TRPM1: variants seen among roughly 807,000 people sequenced by gnomAD.
TRPM1 encodes transient receptor potential cation channel subfamily M member 1.
Under a neutral mutation model 149.4 loss-of-function variants are expected in TRPM1, and 113 were observed. That is an observed-to-expected ratio of 0.76 (90% CI 0.65 to 0.88). The LOEUF (loss-of-function observed/expected upper bound fraction) is 0.88. Ranked by LOEUF, TRPM1 falls within the 40% of genes least tolerant of loss-of-function variation. The pLI is 0.00. For synonymous variants in TRPM1, 741 were observed against 759.5 expected, an observed-to-expected ratio of 0.98 and a Z score of 0.40; for missense variants, 1,976 against 2,038.7, an observed-to-expected ratio of 0.97 and a Z score of 0.59.
At chr15:31,138,503 C>G (rs2036119259) in intron 1 of TRPM1, among the ~76,000 whole-genome samples, 2 of 152,156 alleles carry the variant, frequency 1.3e-5, no homozygotes, top group South Asian at 4.1e-4. Flanking sequence ...CTTCTTTGCC[C>G]TATTTATTCA....
chr15:31,088,803 G>GGGA (rs1555427567), intron 1 of TRPM1, among the ~76,000 whole-genome samples: 2 of 129,126 alleles, frequency 1.5e-5, no homozygotes, highest in Non-Finnish European at 3.0e-5. Flanking sequence ...TCTTTCTGCT[G>GGGA]GGGGGATGCG....
chr15:31,104,122 T>C (rs1446861681), upstream of TRPM1, among the ~76,000 whole-genome samples: 2 of 150,486 alleles, frequency 1.3e-5, no homozygotes, highest in South Asian at 2.1e-4. Flanking sequence ...CCGTGAAGGG[T>C]GGATACTGAC....
chr15:31,035,518 G>A (rs770839879), intron 21 of TRPM1, 28 bp downstream of exon 21: 11 of 1,613,944 alleles, frequency 6.8e-6, no homozygotes, highest in Non-Finnish European at 7.6e-6. Flanking sequence ...GCGGTTAGTG[G>A]GCTGGGGGAG....
At chr15:31,080,705 C>A (rs920736378) in intron 2 of TRPM1, among the ~76,000 whole-genome samples, 1 of 145,178 alleles carries the variant, frequency 6.9e-6, no homozygotes, top group African/African-American at 2.6e-5. Flanking sequence ...CCTCTCAGCC[C>A]GGTCCTCCAG....
intron 7 of TRPM1, chr15:31,065,118 C>A (rs1342928004): frequency 3.7e-6 from 2 of 534,626 alleles, no homozygotes; most frequent in Admixed American, 3.9e-5. Context: ...CAAAGGGAAG[C>A]CCACAAGTCA....
intron 1 of TRPM1, among the ~76,000 whole-genome samples, chr15:31,126,008 C>G (rs1393186346): frequency 6.8e-6 from 1 of 147,156 alleles, no homozygotes; most frequent in Non-Finnish European, 1.5e-5. Flanking sequence ...GGCGGGCACC[C>G]GTAATCCCAG....
In TRPM1 at chr15:31,040,038, A is replaced by G; in HGVS notation, c.2316+80T>C. The G allele has an allele frequency of 7.8e-7, 1 of 1,274,142 alleles. No individual in the cohort carries two copies. Among genetic ancestry groups the G allele is most frequent in the Non-Finnish European group, 1.1e-6 (1 of 875,768 alleles). The allele number at this position is 1,274,142 out of a possible 1,614,324, so 78.9% of individuals were successfully genotyped here. A position where few individuals can be genotyped will look rare whatever the true frequency, so the allele number is the denominator to read the frequency against. On this transcript the variant is annotated intron_variant, in intron 18 of 27. Coordinates refer to ENST00000256552, the MANE Select transcript of TRPM1 (RefSeq NM_001252024.2). This position sits in a 1 kb window ranked among gnomAD's most constrained non-coding sequence, Gnocchi z 4.2. ...CTAGAAGGAATAAATGAAATAAGCC[A>G]CAGAAAGTGCTCAGTTCAGCCTGGC...
chr15:31,014,924 C>A lies in TRPM1; in HGVS notation c.3629+11215G>T, dbSNP rs144090535. ...AAGCAAAGAGCAACGATTGACTTCA[C>A]CCTCTTGAATTTTGATGCAGTGGGT... On this transcript the variant is annotated intron_variant, in intron 27 of 27. Transcript: ENST00000256552. 1.7e-3 allele frequency among the ~76,000 whole-genome samples: 263 copies of A among 152,084 alleles called. 2 individuals carry two copies. Among genetic ancestry groups the A allele is most frequent in the African/African-American group, 6.1e-3 (253 of 41,448 alleles).
chr15:31,088,619 A>C (rs998292088), intron 1 of TRPM1, among the ~76,000 whole-genome samples: 2 of 152,234 alleles, frequency 1.3e-5, no homozygotes, highest in Non-Finnish European at 2.9e-5. Context: ...AAACGTAGGA[A>C]ACATCTGAAG....
At chr15:31,086,330 C>T (rs1036436824) in intron 1 of TRPM1, among the ~76,000 whole-genome samples, 1 of 152,232 alleles carries the variant, frequency 6.6e-6, no homozygotes, top group African/African-American at 2.4e-5. Flanking sequence ...GACTGGATGC[C>T]TGGAGCACCT....
At chr15:31,155,684 G>T (rs1331696633) in intron 1 of TRPM1, among the ~76,000 whole-genome samples, 1 of 151,998 alleles carries the variant, frequency 6.6e-6, no homozygotes. Flanking sequence ...TTAAAAGGAG[G>T]GAAGGAAGAA....
At chr15:31,142,081 A>C (rs2036169894) in intron 1 of TRPM1, among the ~76,000 whole-genome samples, 1 of 152,178 alleles carries the variant, frequency 6.6e-6, no homozygotes, top group African/African-American at 2.4e-5. Context: ...AATAAATGAA[A>C]ATTTTTAAAA....
Position 31,002,033 on chromosome 15 carries a change from A to T in TRPM1, c.4667T>A (p.Leu1556Ter). The T allele has an allele frequency of 6.2e-7, 1 of 1,614,230 alleles. No individual in the cohort carries two copies. Among genetic ancestry groups the T allele is most frequent in the Non-Finnish European group, 8.5e-7 (1 of 1,180,030 alleles). Residue 1556 changes from leucine (L) to a stop codon, truncating the protein, a stop_gained, in exon 28 of 28, where the codon TTA becomes TAA. Coordinates refer to ENST00000256552, the MANE Select transcript of TRPM1 (RefSeq NM_001252024.2). LOFTEE classifies it low-confidence loss of function (END_TRUNC). ...AGTTTGATCTGGCTTCACAGACAGT[A>T]AGTTTTCCATCCCATTTCTGTCAGT... ...TITDRNGMEN[L>*]LSVKPDQTLG...
At chr15:31,041,441 T>C (rs538247873) in intron 17 of TRPM1, among the ~76,000 whole-genome samples, 10 of 152,274 alleles carry the variant, frequency 6.6e-5, no homozygotes, top group Admixed American at 1.3e-4. Context: ...TGAGCCACCG[T>C]GCCCGGCCAG....
At chr15:31,089,352 C>T (rs138198996) in intron 1 of TRPM1, among the ~76,000 whole-genome samples, 178 of 152,264 alleles carry the variant, frequency 1.2e-3, no homozygotes, top group African/African-American at 4.1e-3. Flanking sequence ...GTTCAAAATC[C>T]GGGAGGCTAT....
upstream of TRPM1, among the ~76,000 whole-genome samples, chr15:31,102,939 C>T (rs556256371): frequency 3.2e-4 from 48 of 152,290 alleles, no homozygotes; most frequent in East Asian, 7.7e-4. Flanking sequence ...GAGAGAGTCA[C>T]GGCTTCAGCG....
intron 6 of TRPM1, 118 bp downstream of exon 6, chr15:31,066,945 G>T: frequency 1.5e-6 from 2 of 1,350,282 alleles, no homozygotes; most frequent in Non-Finnish European, 2.1e-6. Flanking sequence ...TTGGAGGAAT[G>T]GGAAAGGCTG....
chr15:31,055,139 T>C (rs1226284386), intron 11 of TRPM1, among the ~76,000 whole-genome samples: 1 of 152,182 alleles, frequency 6.6e-6, no homozygotes, highest in Non-Finnish European at 1.5e-5. Context: ...AGACTATAGA[T>C]TCACAGGCAC....
Position 31,150,608 on chromosome 15 carries a change from G to T in TRPM1, c.54+10298C>A, listed in dbSNP as rs112530209. ...TGCGCACCACGCCCAGAAAATTTTT[G>T]TATTTTTAGCAGAGATGGGGTTTCA... On this transcript the variant is annotated intron_variant, in intron 1 of 26. Transcript: ENST00000542188. Among the ~76,000 whole-genome samples, 1,011 of 152,012 alleles carry T rather than the reference G, an allele frequency of 6.7e-3. 9 individuals carry two copies. Among genetic ancestry groups the T allele is most frequent in the African/African-American group, 0.023 (974 of 41,468 alleles).
Sources: allele counts gnomAD v4.1 joint callset (sites outside exome capture counted in the v4.1 genomes callset), GRCh38; gene constraint gnomAD v4.1.1; non-coding constraint Gnocchi (gnomAD v3.1); transcripts MANE v1.5; gene names NCBI Gene and HGNC (gene_info 2026-07-23, HGNC 2026-07-21).